TSPYL6: variants seen among roughly 807,000 people sequenced by gnomAD.
The protein encoded by TSPYL6 is testis-specific Y-encoded-like protein 6.
For missense variants in TSPYL6, 699 were observed against 531.5 expected (o/e 1.32, Z -3.10); for synonymous variants, 259 against 214.8 (o/e 1.21, Z -1.80).
chr2:54,255,007 AGGTAGTACTGCAGT>A, the TSPYL6 span: 1 of 1,614,090 alleles, frequency 6.2e-7, no homozygotes, highest in African/African-American at 1.3e-5. Context: ...TTCACCCAAC[AGGTAGTACTGCAGT>A]GGATTTGACC....
rs771317403 is a variant in TSPYL6, at chr2:54,255,058, A to G, written c.1094T>C (p.Ile365Thr). The G allele has an allele frequency of 2.5e-6, 4 of 1,614,158 alleles. No individual in the cohort carries two copies. In the South Asian group the frequency reaches 3.3e-5, roughly 13 times the overall value. ...SDHSLPESDR[I>T]AQIIKEDLWS... Reference sequence around the variant, plus strand: ...GAGGTCCTCTTTAATAATCTGAGCAATCCTGTCGGACTCTGGAAGGCTGTG... The same window carrying G: ...GAGGTCCTCTTTAATAATCTGAGCAGTCCTGTCGGACTCTGGAAGGCTGTG... The change falls in exon 1 of 1, where the codon ATT becomes ACT. Residue 365 changes from isoleucine (I) to threonine (T), a missense_variant. Coordinates refer to ENST00000317802, the MANE Select transcript of TSPYL6 (RefSeq NM_001003937.3).
In TSPYL6 at chr2:54,255,544, T is replaced by C; in HGVS notation, c.608A>G (p.Asn203Ser). ...TTCCAGCTGGATGGACTCCAGGGGG[T>C]TCAGGTGGAGACCCACGTTCAGGGG... ...PGPLNVGLHL[N>S]PLESIQLELD... The change falls in exon 1 of 1, where the codon AAC becomes AGC. Residue 203 changes from asparagine to serine, a missense_variant. By Grantham distance (46) the Asn-to-Ser change is conservative (BLOSUM62 1). Transcript: ENST00000317802. The C allele has an allele frequency of 6.2e-7, 1 of 1,612,954 alleles. No individual in the cohort carries two copies. Among genetic ancestry groups the C allele is most frequent in the Non-Finnish European group, 8.5e-7 (1 of 1,179,818 alleles).
chr2:54,255,082 T>C lies in TSPYL6; in HGVS notation c.1070A>G (p.His357Arg), dbSNP rs761270732. Residue 357 changes from histidine to arginine, a missense_variant, in exon 1 of 1, where the codon CAC becomes CGC. Physicochemically the swap from His to Arg is conservative, Grantham distance 29 (BLOSUM62 0). Transcript: ENST00000317802. ...AATCCTGTCGGACTCTGGAAGGCTGTGGTCTGAAAACCAGGTGAAGAAGCT... is the reference window on the plus strand; with the variant it reads ...AATCCTGTCGGACTCTGGAAGGCTGCGGTCTGAAAACCAGGTGAAGAAGCT... Reference protein sequence around the residue: ...ICSFFTWFSDHSLPESDRIAQ... With the variant: ...ICSFFTWFSDRSLPESDRIAQ... 3 of 1,614,160 alleles carry C rather than the reference T, an allele frequency of 1.9e-6. No homozygotes were observed. The highest frequency in any genetic ancestry group is 2.5e-6 in the Non-Finnish European group (3 of 1,180,040).
At position 54,254,866 on chromosome 2, in the gene TSPYL6, T is replaced by G. The variant is rs998412053; in HGVS notation, c.*53A>C. ...CCTAATGCTGTTGCCCAAGCTCAGG[T>G]CCAGCTGGTGGTGGCAGGCAACCTT... On this transcript the variant is annotated 3_prime_UTR_variant, in exon 1 of 1. Transcript: ENST00000317802. 5.8e-6 allele frequency: 9 copies of G among 1,561,876 alleles called. 1 individual carries two copies. In the Admixed American group the frequency reaches 1.1e-4, roughly 20 times the overall value.
Position 54,255,306 on chromosome 2 carries a change from C to T in TSPYL6, c.846G>A (p.Val282=), listed in dbSNP as rs764358698. The T allele has an allele frequency of 6.2e-7, 1 of 1,614,198 alleles. No individual in the cohort carries two copies. ...EMLSYLTNLE[V]KELRHPRTGC... is the part of the protein sequence containing the mutation. ...CTGTCCTAGGGTGTCTGAGCTCCTT[C>T]ACTTCCAAATTGGTTAAGTAGCTTA... Residue 282 remains valine, a synonymous_variant, in exon 1 of 1, where the codon GTG becomes GTA. Coordinates refer to ENST00000317802, the MANE Select transcript of TSPYL6 (RefSeq NM_001003937.3).
In TSPYL6 at chr2:54,255,895, G is replaced by A. The variant is rs756503514; in HGVS notation, c.257C>T (p.Ala86Val). The change falls in exon 1 of 1, where the codon GCG (alanine) becomes GTG (valine). Residue 86 changes from alanine to valine, a missense_variant. Coordinates refer to ENST00000317802, the MANE Select transcript of TSPYL6 (RefSeq NM_001003937.3). ...GGGTGGTGGAGTCACTTCCTGCCCC[G>A]CTTTGATGGCTCCATGACTGCGACC... is the stretch of plus-strand genomic sequence containing the variant. ...DAGRSHGAIK[A>V]GQEVTPPPAE... 8.1e-6 allele frequency: 13 copies of A among 1,613,978 alleles called. 1 individual carries two copies. In the South Asian group the frequency reaches 9.9e-5, roughly 12 times the overall value.
In TSPYL6 at chr2:54,255,358, A is replaced by G. The variant is rs1452466472; in HGVS notation, c.794T>C (p.Met265Thr). 1.2e-6 allele frequency: 2 copies of G among 1,614,160 alleles called. No homozygotes were observed. Among genetic ancestry groups the G allele is most frequent in the Non-Finnish European group, 1.7e-6 (2 of 1,180,024 alleles). ...CATCTCGGCATCTTGGCCTCTAATC[A>G]TGGCAGACAGCTGTGGGTGGTGGCG... ...AFRHHPQLSA[M>T]IRGQDAEMLS... Residue 265 changes from methionine to threonine, a missense_variant, in exon 1 of 1, where the codon ATG (methionine) becomes ACG (threonine). Coordinates refer to ENST00000317802, the MANE Select transcript of TSPYL6 (RefSeq NM_001003937.3).
In TSPYL6 at chr2:54,256,085, C is replaced by T; in HGVS notation, c.67G>A (p.Gly23Ser). The T allele has an allele frequency of 1.2e-6, 2 of 1,614,136 alleles. No homozygotes were observed. Among genetic ancestry groups the T allele is most frequent in the Non-Finnish European group, 1.7e-6 (2 of 1,180,028 alleles). Residue 23 changes from glycine to serine, a missense_variant, in exon 1 of 1, where the codon GGC becomes AGC. Coordinates refer to ENST00000317802, the MANE Select transcript of TSPYL6 (RefSeq NM_001003937.3). ...TTGCTCTTTTCTCGGGACCTCTGGC[C>T]CTGGTGCGGGTCTTCCAGAGCATAG... ...LDYALEDPHQ[G>S]QRSREKSKAT... is the part of the protein sequence containing the mutation.
At position 54,256,018 on chromosome 2, in the gene TSPYL6, T is replaced by C. The variant is rs1270991496; in HGVS notation, c.134A>G (p.Glu45Gly). The C allele has an allele frequency of 1.2e-6, 2 of 1,613,990 alleles. No individual in the cohort carries two copies. The highest frequency in any genetic ancestry group is 2.7e-5 in the African/African-American group (2 of 74,898). ...VMADMFDGRL[E>G]PIVFPPPRLP... ...CCGGGGCGGTGGGAACACGATTGGC[T>C]CCAAGCGGCCATCAAACATATCTGC... The change falls in exon 1 of 1, where the codon GAG becomes GGG. Residue 45 changes from glutamate (E) to glycine (G), a missense_variant. Physicochemically the swap from Glu to Gly is moderately conservative, Grantham distance 98. Transcript: ENST00000317802.
In TSPYL6 at chr2:54,255,412, T is replaced by C. The variant is rs531038527; in HGVS notation, c.740A>G (p.Asn247Ser). ...AGCAGTGACCCAGAAGCCCGGGATATTGCGAATGATGTCATTCCTCTGCTC... is the reference window on the plus strand; with the variant it reads ...AGCAGTGACCCAGAAGCCCGGGATACTGCGAATGATGTCATTCCTCTGCTC... Reference protein sequence around the residue: ...YLEQRNDIIRNIPGFWVTAFR... With the variant: ...YLEQRNDIIRSIPGFWVTAFR... The change falls in exon 1 of 1, where the codon AAT (asparagine) becomes AGT (serine). Residue 247 changes from asparagine to serine, a missense_variant. Transcript: ENST00000317802. The C allele has an allele frequency of 4.3e-6, 7 of 1,613,996 alleles. No homozygotes were observed. The highest frequency in any genetic ancestry group is 2.2e-5 in the South Asian group (2 of 91,076).
In TSPYL6 at chr2:54,254,875, T is replaced by C. The variant is rs552060596; in HGVS notation, c.*44A>G. On this transcript the variant is annotated 3_prime_UTR_variant, in exon 1 of 1. Transcript: ENST00000317802. ...GTTGCCCAAGCTCAGGTCCAGCTGGTGGTGGCAGGCAACCTTCTGCAGGAG... is the reference window on the plus strand; with the variant it reads ...GTTGCCCAAGCTCAGGTCCAGCTGGCGGTGGCAGGCAACCTTCTGCAGGAG... The C allele has an allele frequency of 5.1e-6, 8 of 1,573,590 alleles. No homozygotes were observed. The South Asian group carries it at 7.1e-5, about 14-fold the overall frequency.
Position 54,255,870 on chromosome 2 carries a change from GGGT to G in TSPYL6, c.279_281del (p.Pro94del), listed in dbSNP as rs777269874. 2 of 1,613,992 alleles carry G rather than the reference GGGT, an allele frequency of 1.2e-6. No homozygotes were observed. The highest frequency in any genetic ancestry group is 1.7e-6 in the Non-Finnish European group (2 of 1,179,988). Reference sequence around the variant, plus strand: ...CAGAGGCCGCTTCTAGGCCCTCCGCGGGTGGTGGAGTCACTTCCTGCCCCGCTT... The same window carrying G: ...CAGAGGCCGCTTCTAGGCCCTCCGCGGGTGGAGTCACTTCCTGCCCCGCTT... On this transcript the variant is annotated inframe_deletion, in exon 1 of 1. Transcript: ENST00000317802.
rs766831952 is a variant in TSPYL6 at position 54,256,072 on chromosome 2, C to A, written c.80G>T (p.Arg27Leu). 1.2e-6 allele frequency: 2 copies of A among 1,614,036 alleles called. No individual in the cohort carries two copies. The highest frequency in any genetic ancestry group is 1.7e-6 in the Non-Finnish European group (2 of 1,180,048). ...TACCTCTGTCGCCTTGCTCTTTTCT[C>A]GGGACCTCTGGCCCTGGTGCGGGTC... is the stretch of plus-strand genomic sequence containing the variant. ...LEDPHQGQRSREKSKATEVMA... is the reference protein window; with the variant it reads ...LEDPHQGQRSLEKSKATEVMA... The change falls in exon 1 of 1, where the codon CGA becomes CTA. Residue 27 changes from arginine to leucine, a missense_variant. Arg to Leu is a moderately radical substitution (Grantham distance 102). Coordinates refer to ENST00000317802, the MANE Select transcript of TSPYL6 (RefSeq NM_001003937.3).
rs2104014787 is a variant in TSPYL6, at chr2:54,253,242, A to G, written c.*1677T>C. ...TAGTTTCCAGTCTTCCGCATCAGAT[A>G]AGACCAAGTTATTCAAATTAAAATG... On this transcript the variant is annotated 3_prime_UTR_variant, in exon 1 of 1. Transcript: ENST00000317802. 6.6e-6 allele frequency: 1 copy of G among 152,378 alleles called. No individual in the cohort carries two copies. Among genetic ancestry groups the G allele is most frequent in the Non-Finnish European group, 1.5e-5 (1 of 68,044 alleles). The allele number at this position is 152,378 out of a possible 1,614,324, so 9.4% of individuals were successfully genotyped here. A position where few individuals can be genotyped will look rare whatever the true frequency, so the allele number is the denominator to read the frequency against.
rs532273037 is a variant in TSPYL6 at position 54,255,542 on chromosome 2, G to C, written c.610C>G (p.Pro204Ala). The C allele has an allele frequency of 3.1e-6, 5 of 1,613,424 alleles. No homozygotes were observed. The highest frequency in any genetic ancestry group is 4.2e-6 in the Non-Finnish European group (5 of 1,179,954). The change falls in exon 1 of 1, where the codon CCC (proline) becomes GCC (alanine). Residue 204 changes from proline to alanine, a missense_variant. Coordinates refer to ENST00000317802, the MANE Select transcript of TSPYL6 (RefSeq NM_001003937.3). ...GPLNVGLHLN[P>A]LESIQLELDS... ...AGTTCCAGCTGGATGGACTCCAGGG[G>C]GTTCAGGTGGAGACCCACGTTCAGG...
rs375383770 is a variant in TSPYL6 at position 54,255,636 on chromosome 2, G to A, written c.516C>T (p.Asp172=). The change falls in exon 1 of 1, where the codon GAC becomes GAT. Residue 172 remains aspartate (D), a synonymous_variant. Transcript: ENST00000317802. The part of the protein sequence containing the change: ...VDEKPGGEEM[D]VAEENRAIDE... ...CTATTGCTCTGTTTTCTTCCGCCAC[G>A]TCCATTTCTTCGCCTCCTGGCTTCT... The A allele has an allele frequency of 7.3e-5, 117 of 1,613,406 alleles. 1 individual carries two copies. The highest frequency in any genetic ancestry group is 2.1e-4 in the South Asian group (19 of 91,078).
Position 54,255,218 on chromosome 2 carries a change from C to A in TSPYL6, c.934G>T (p.Val312Leu). The A allele has an allele frequency of 6.2e-7, 1 of 1,614,190 alleles. No homozygotes were observed. Among genetic ancestry groups the A allele is most frequent in the Non-Finnish European group, 8.5e-7 (1 of 1,180,038 alleles). The change falls in exon 1 of 1, where the codon GTG becomes TTG. Residue 312 changes from valine (V) to leucine (L), a missense_variant. By Grantham distance (32) the Val-to-Leu change is conservative. Coordinates refer to ENST00000317802, the MANE Select transcript of TSPYL6 (RefSeq NM_001003937.3). ...PYFRNKLIVK[V>L]YEVRSFGQVV... Reference sequence around the variant, plus strand: ...TGGCCGAAGGATCTGACCTCATACACCTTTACAATCAGCTTGTTTCTGAAG... The same window carrying A: ...TGGCCGAAGGATCTGACCTCATACAACTTTACAATCAGCTTGTTTCTGAAG...
rs13401799 is a variant in TSPYL6 at position 54,255,942 on chromosome 2, A to C, written c.210T>G (p.Thr70=). The C allele has an allele frequency of 1.9e-6, 3 of 1,613,972 alleles. No homozygotes were observed. In the African/African-American group the frequency reaches 4.0e-5, roughly 22 times the overall value. ...APQDPADGGH[T]FHILVDAGRS... ...GACCCGCATCGACCAAGATGTGGAA[A>C]GTATGGCCACCATCTGCGGGATCCT... Residue 70 remains threonine (T), a synonymous_variant, in exon 1 of 1, where the codon ACT becomes ACG. Coordinates refer to ENST00000317802, the MANE Select transcript of TSPYL6 (RefSeq NM_001003937.3).
chr2:54,255,463 A>T lies in TSPYL6; in HGVS notation c.689T>A (p.Phe230Tyr). The T allele has an allele frequency of 6.2e-7, 1 of 1,613,920 alleles. No homozygotes were observed. Among genetic ancestry groups the T allele is most frequent in the Non-Finnish European group, 8.5e-7 (1 of 1,179,966 alleles). The change falls in exon 1 of 1, where the codon TTT (phenylalanine) becomes TAT (tyrosine). Residue 230 changes from phenylalanine (F) to tyrosine (Y), a missense_variant. Physicochemically the swap from Phe to Tyr is conservative, Grantham distance 22 (BLOSUM62 3). Transcript: ENST00000317802. Reference protein sequence around the residue: ...DRALLQVERRFGQIHEYYLEQ... With the variant: ...DRALLQVERRYGQIHEYYLEQ... ...CAGGTAGTATTCATGAATCTGCCCA[A>T]ACCTGCGCTCCACCTGCAGGAGCGC...
Sources: gnomAD v4.1 joint callset for allele counts on GRCh38, gnomAD v4.1.1 for gene constraint, MANE v1.5 for transcripts, NCBI Gene and HGNC (gene_info 2026-07-23, HGNC 2026-07-21) for gene names.